SAMD4A: variants seen among roughly 807,000 people sequenced by gnomAD.
SAMD4A encodes sterile alpha motif domain containing 4A.
In SAMD4A, 33 loss-of-function variants were observed where a neutral mutation model predicts 81.3. The observed-to-expected ratio is 0.41, with a 90% CI of 0.31 to 0.54. The LOEUF (loss-of-function observed/expected upper bound fraction) is 0.54, where lower values mean the gene tolerates loss of function less well. Ranked by LOEUF, SAMD4A falls within the 20% of genes least tolerant of loss-of-function variation. The pLI is 0.37. For missense variants in SAMD4A, 854 were observed against 951.1 expected (o/e 0.90, Z 1.34); for synonymous variants, 389 against 382.1 (o/e 1.02, Z -0.21).
intron 2 of SAMD4A, among the ~76,000 whole-genome samples, chr14:54,630,243 G>C (rs2034862448): frequency 6.6e-6 from 1 of 152,148 alleles, no homozygotes; most frequent in Non-Finnish European, 1.5e-5. Context: ...AATATTTTGA[G>C]GAACTGCCAT....
At chr14:54,724,729 A>G (rs537527540) in intron 3 of SAMD4A, among the ~76,000 whole-genome samples, 1 of 152,314 alleles carries the variant, frequency 6.6e-6, no homozygotes, top group South Asian at 2.1e-4. Flanking sequence ...ACCAGACATT[A>G]GGAGACCTGG....
At chr14:54,590,257 C>A (rs921926094) in intron 2 of SAMD4A, among the ~76,000 whole-genome samples, 5 of 152,146 alleles carry the variant, frequency 3.3e-5, no homozygotes, top group South Asian at 2.1e-4. Context: ...GGGAGGCCAA[C>A]ATAGGAGGAT....
chr14:54,765,102 A>C (rs2038501622), intron 8 of SAMD4A, among the ~76,000 whole-genome samples: 1 of 152,116 alleles, frequency 6.6e-6, no homozygotes, highest in African/African-American at 2.4e-5. Flanking sequence ...ACAGAGTGAG[A>C]TAGACCCTTT....
At chr14:54,719,016 G>GA (rs201431065) in intron 3 of SAMD4A, among the ~76,000 whole-genome samples, 1,915 of 149,430 alleles carry the variant, frequency 0.013, 43 homozygotes, top group African/African-American at 0.045. Context: ...AAAAAAAAAA[G>GA]AAAAAAAAGA....
chr14:54,765,924 C>G (rs1166330484), intron 8 of SAMD4A, among the ~76,000 whole-genome samples: 1 of 151,976 alleles, frequency 6.6e-6, no homozygotes, highest in African/African-American at 2.4e-5. Flanking sequence ...TTTGCAGTTT[C>G]TCCTCTTGGC....
chr14:54,721,338 A>C (rs1461978084), intron 3 of SAMD4A, among the ~76,000 whole-genome samples: 1 of 152,234 alleles, frequency 6.6e-6, no homozygotes, highest in Non-Finnish European at 1.5e-5. Flanking sequence ...CCTACGCCCC[A>C]ATAAATAGTA....
At chr14:54,698,522 C>T (rs1025852333) in intron 2 of SAMD4A, among the ~76,000 whole-genome samples, 7 of 152,204 alleles carry the variant, frequency 4.6e-5, no homozygotes, top group Non-Finnish European at 7.3e-5. Context: ...ATAGGACCTA[C>T]CTCATAAGCT....
intron 2 of SAMD4A, among the ~76,000 whole-genome samples, chr14:54,640,619 T>C (rs2035152625): frequency 6.6e-6 from 1 of 152,194 alleles, no homozygotes; most frequent in Non-Finnish European, 1.5e-5. Context: ...AGCTGCTTCT[T>C]CCTGTCACTG....
chr14:54,654,204 C>T (rs2035469739), intron 2 of SAMD4A, among the ~76,000 whole-genome samples: 1 of 152,136 alleles, frequency 6.6e-6, no homozygotes, highest in Non-Finnish European at 1.5e-5. Flanking sequence ...CTGGAGTCTC[C>T]CTTTTAATCA....
At chr14:54,656,846 A>G (rs2035530727) in intron 2 of SAMD4A, among the ~76,000 whole-genome samples, 1 of 152,092 alleles carries the variant, frequency 6.6e-6, no homozygotes, top group East Asian at 1.9e-4. Flanking sequence ...TGACCTTGTG[A>G]TCCACCCGCT....
In SAMD4A at chr14:54,638,854, TAA is replaced by T. The variant is rs1172804149; in HGVS notation, c.197-63207_197-63206del. On this transcript the variant is annotated intron_variant, in intron 2 of 12. Coordinates refer to ENST00000554335, the MANE Select transcript of SAMD4A (RefSeq NM_015589.6). ...CTGAATTCAATGTATACCGATGTTCTAAGAGAGTGGACATTCGGCAGTTAGTG... is the reference window on the plus strand; with the variant it reads ...CTGAATTCAATGTATACCGATGTTCTGAGAGTGGACATTCGGCAGTTAGTG... Among the ~76,000 whole-genome samples, 3 of 152,256 alleles carry T rather than the reference TAA, an allele frequency of 2.0e-5. No individual in the cohort carries two copies. In the South Asian group the frequency reaches 6.2e-4, roughly 32 times the overall value.
At chr14:54,601,326 T>A (rs1342098132) in intron 2 of SAMD4A, among the ~76,000 whole-genome samples, 1 of 152,220 alleles carries the variant, frequency 6.6e-6, no homozygotes, top group African/African-American at 2.4e-5. Flanking sequence ...ACTATCCTGC[T>A]CTTGTGATTA....
chr14:54,718,654 C>A (rs1769735297), intron 3 of SAMD4A, among the ~76,000 whole-genome samples: 1 of 152,096 alleles, frequency 6.6e-6, no homozygotes, highest in Non-Finnish European at 1.5e-5. Context: ...CATTCTGCCA[C>A]CCTAAATGAC....
At chr14:54,683,447 T>C (rs1320002936) in intron 2 of SAMD4A, among the ~76,000 whole-genome samples, 1 of 152,168 alleles carries the variant, frequency 6.6e-6, no homozygotes, top group Non-Finnish European at 1.5e-5. Context: ...CCAGAATGAC[T>C]TTTTTTCTAT....
chr14:54,623,841 C>T (rs1023320115), intron 2 of SAMD4A, among the ~76,000 whole-genome samples: 2 of 152,148 alleles, frequency 1.3e-5, no homozygotes, highest in Non-Finnish European at 2.9e-5. Flanking sequence ...CTATGGCTGC[C>T]CAGGGCCCCT....
intron 2 of SAMD4A, among the ~76,000 whole-genome samples, chr14:54,635,020 A>G (rs1274249750): frequency 6.6e-6 from 1 of 152,180 alleles, no homozygotes; most frequent in African/African-American, 2.4e-5. Flanking sequence ...ATCATTTTGA[A>G]CCCAGGAACT....
intron 2 of SAMD4A, among the ~76,000 whole-genome samples, chr14:54,594,098 C>T (rs2033852656): frequency 6.6e-6 from 1 of 152,062 alleles, no homozygotes; most frequent in South Asian, 2.1e-4. Context: ...AAAAAAAGTA[C>T]ATTTTCATAA....
chr14:54,757,573 G>A (rs1318506788), intron 6 of SAMD4A, among the ~76,000 whole-genome samples: 1 of 152,188 alleles, frequency 6.6e-6, no homozygotes. Context: ...TTCTTGCCAT[G>A]TGACAAGAGC....
chr14:54,608,220 A>G (rs1462581644), intron 2 of SAMD4A, among the ~76,000 whole-genome samples: 1 of 151,972 alleles, frequency 6.6e-6, no homozygotes, highest in Non-Finnish European at 1.5e-5. Flanking sequence ...TCCTACCTTC[A>G]TGTTGGGGAT....
Sources: gnomAD v4.1 joint callset for allele counts (sites outside exome capture counted in the v4.1 genomes callset) on GRCh38, gnomAD v4.1.1 for gene constraint, MANE v1.5 for transcripts, NCBI Gene and HGNC (gene_info 2026-07-23, HGNC 2026-07-21) for gene names.